AKAP6: variants seen among roughly 807,000 people sequenced by gnomAD.
AKAP6 encodes the protein A-kinase anchor protein 6.
A neutral mutation model predicts 188.5 loss-of-function variants in AKAP6; 58 were observed. The ratio of observed to expected loss-of-function variants is 0.31; its 90% CI spans 0.25 to 0.38. AKAP6 has a LOEUF of 0.38. Ranked by LOEUF, AKAP6 falls within the 10% of genes least tolerant of loss-of-function variation. AKAP6 has a pLI of 1.00. For synonymous variants in AKAP6, 989 were observed against 998.6 expected (o/e 0.99, Z 0.18); for missense variants, 2,710 against 2,740.0 (o/e 0.99, Z 0.24).
chr14:32,546,095 G>T lies in AKAP6; in HGVS notation c.1442G>T (p.Ser481Ile). The change falls in exon 4 of 14, where the codon AGC (serine) becomes ATC (isoleucine). Residue 481 changes from serine (S) to isoleucine (I), a missense_variant. Ser to Ile is a moderately radical substitution (Grantham distance 142). Coordinates refer to ENST00000280979, the MANE Select transcript of AKAP6 (RefSeq NM_004274.5). ...TTTCACATTAAAGAAATTTCTTCCA[G>T]CCTGGGAAGGCTTAACGACTGCTAT... Reference protein sequence around the residue: ...VKFHIKEISSSLGRLNDCYKE... With the variant: ...VKFHIKEISSILGRLNDCYKE... 6.2e-7 allele frequency: 1 copy of T among 1,614,158 alleles called. No individual in the cohort carries two copies.
At chr14:32,597,807 A>T (rs555926480) in intron 5 of AKAP6, among the ~76,000 whole-genome samples, 2 of 152,308 alleles carry the variant, frequency 1.3e-5, no homozygotes, top group Admixed American at 1.3e-4. Flanking sequence ...ATAATAACTT[A>T]TAATTCTTAT....
intron 12 of AKAP6, among the ~76,000 whole-genome samples, chr14:32,776,439 G>C (rs1328109079): frequency 1.3e-5 from 2 of 152,110 alleles, no homozygotes; most frequent in Non-Finnish European, 2.9e-5. Flanking sequence ...ATGATTGTGA[G>C]GCCTCCCCAG....
Position 32,378,958 on chromosome 14 carries a change from A to G in AKAP6, c.-35+49550A>G, listed in dbSNP as rs537511153. 1.5e-4 allele frequency among the ~76,000 whole-genome samples: 21 copies of G among 136,374 alleles called. 1 individual carries two copies. In the South Asian group the frequency reaches 4.7e-3, roughly 31 times the overall value. The allele number at this position is 136,374 out of a possible 152,430, so 89.5% of individuals were successfully genotyped here. The stretch of plus-strand genomic sequence containing the variant: ...TTTGAGACCGAATTTCACTCTTGTC[A>G]CCCAGGCTAGAGTGCAGTGGTGCGG... On this transcript the variant is annotated intron_variant, in intron 1 of 13. Transcript: ENST00000280979.
chr14:32,813,973 G>A (rs374490846), intron 12 of AKAP6, among the ~76,000 whole-genome samples: 1 of 150,468 alleles, frequency 6.6e-6, no homozygotes, highest in African/African-American at 2.5e-5. Context: ...AGGGTTTCCT[G>A]TACATTCTAT....
chr14:32,786,893 A>G (rs2033438910), intron 12 of AKAP6, among the ~76,000 whole-genome samples: 1 of 152,166 alleles, frequency 6.6e-6, no homozygotes, highest in Non-Finnish European at 1.5e-5. Flanking sequence ...TTGTACAAAT[A>G]TATTTTTTTC....
chr14:32,522,273 C>T lies in AKAP6; in HGVS notation c.325-13281C>T, dbSNP rs1881879193. Among the ~76,000 whole-genome samples, 5 of 152,228 alleles carry T rather than the reference C, an allele frequency of 3.3e-5. No individual in the cohort carries two copies. In the South Asian group the frequency reaches 1.0e-3, roughly 32 times the overall value. ...TAGGCAATACCATTCAGGACATAGG[C>T]ATGGGCAAGTACTTCATGACTGAAA... On this transcript the variant is annotated intron_variant, in intron 2 of 13. Coordinates refer to ENST00000280979, the MANE Select transcript of AKAP6 (RefSeq NM_004274.5).
At chr14:32,664,931 T>C (rs1888856689) in intron 7 of AKAP6, among the ~76,000 whole-genome samples, 1 of 152,128 alleles carries the variant, frequency 6.6e-6, no homozygotes, top group Non-Finnish European at 1.5e-5. Context: ...TTTCCACCCA[T>C]AGCTTTTCTT....
intron 8 of AKAP6, among the ~76,000 whole-genome samples, chr14:32,679,493 G>C (rs181353470): frequency 3.9e-5 from 6 of 152,252 alleles, no homozygotes; most frequent in Non-Finnish European, 8.8e-5. Flanking sequence ...GTGACAAGAG[G>C]AAAGAGGCCT....
intron 3 of AKAP6, among the ~76,000 whole-genome samples, chr14:32,543,722 G>A (rs1883065956): frequency 6.6e-6 from 1 of 152,142 alleles, no homozygotes; most frequent in South Asian, 2.1e-4. Flanking sequence ...CGAATTGGAG[G>A]TGGGGGCATG....
chr14:32,435,153 C>T (rs533818039), intron 2 of AKAP6, among the ~76,000 whole-genome samples: 20 of 152,280 alleles, frequency 1.3e-4, no homozygotes, highest in African/African-American at 4.8e-4. Flanking sequence ...AATTTGGAGG[C>T]TCTGCTTTGC....
chr14:32,542,930 T>G (rs1883025665), intron 3 of AKAP6, among the ~76,000 whole-genome samples: 1 of 152,214 alleles, frequency 6.6e-6, no homozygotes, highest in African/African-American at 2.4e-5. Flanking sequence ...AATTGACACA[T>G]GACTGCACAT....
chr14:32,389,837 T>G (rs1241380869), intron 1 of AKAP6, among the ~76,000 whole-genome samples: 1 of 152,176 alleles, frequency 6.6e-6, no homozygotes, highest in African/African-American at 2.4e-5. Flanking sequence ...CAATAATATT[T>G]TGGCGATGAA....
At chr14:32,705,152 T>C (rs1387714578) in intron 9 of AKAP6, among the ~76,000 whole-genome samples, 2 of 152,146 alleles carry the variant, frequency 1.3e-5, no homozygotes, top group African/African-American at 4.8e-5. Flanking sequence ...ATTTGGAGTA[T>C]TAGGGAATTC....
intron 8 of AKAP6, among the ~76,000 whole-genome samples, chr14:32,688,252 C>T (rs1051802790): frequency 1.1e-4 from 17 of 151,790 alleles, no homozygotes; most frequent in Middle Eastern, 3.4e-3. Context: ...AGAAAGTTGC[C>T]GACACGGACA....
intron 2 of AKAP6, among the ~76,000 whole-genome samples, chr14:32,472,911 T>C (rs1878860730): frequency 6.6e-6 from 1 of 152,058 alleles, no homozygotes; most frequent in African/African-American, 2.4e-5. Flanking sequence ...AAAGAGAAAA[T>C]GATGTAATCC....
intron 7 of AKAP6, among the ~76,000 whole-genome samples, chr14:32,671,503 T>TA (rs1221232601): frequency 2.0e-5 from 3 of 152,004 alleles, no homozygotes; most frequent in African/African-American, 7.3e-5. Context: ...ATTTTTTTTT[T>TA]TTACCGATGG....
rs537992745 is a variant in AKAP6 at position 32,353,489 on chromosome 14, C to T, written c.-35+24081C>T. On this transcript the variant is annotated intron_variant, in intron 1 of 13. Coordinates refer to ENST00000280979, the MANE Select transcript of AKAP6 (RefSeq NM_004274.5). ...GGCAGGAGAATGGCGTCAACCCGGGCGGTAGAGGTTGCAGTGAGCCGAGAT... is the reference window on the plus strand; with the variant it reads ...GGCAGGAGAATGGCGTCAACCCGGGTGGTAGAGGTTGCAGTGAGCCGAGAT... Among the ~76,000 whole-genome samples the T allele has an allele frequency of 2.7e-3, 404 of 152,132 alleles. 2 individuals are homozygous for T. Among genetic ancestry groups the T allele is most frequent in the African/African-American group, 9.0e-3 (372 of 41,510 alleles).
chr14:32,786,296 A>ATGTGTTTTTTTTT, intron 12 of AKAP6, among the ~76,000 whole-genome samples: 2 of 93,706 alleles, frequency 2.1e-5, no homozygotes, highest in Non-Finnish European at 2.1e-5. Context: ...CTAAACCTTT[A>ATGTGTTTTTTTTT]TCTTTTTTTT....
At chr14:32,540,053 T>A (rs1731075674) in intron 3 of AKAP6, among the ~76,000 whole-genome samples, 1 of 150,246 alleles carries the variant, frequency 6.7e-6, no homozygotes, top group Admixed American at 6.6e-5. Flanking sequence ...AGGCTTCAGT[T>A]AATTATGGAA....
Sources: gnomAD v4.1 joint callset for allele counts (sites outside exome capture counted in the v4.1 genomes callset) on GRCh38, gnomAD v4.1.1 for gene constraint, MANE v1.5 for transcripts, NCBI Gene and HGNC (gene_info 2026-07-23, HGNC 2026-07-21) for gene names.